SBF2: variants seen among roughly 807,000 people sequenced by gnomAD.
The protein encoded by SBF2 is SET binding factor 2, also known as myotubularin-related protein 13.
A neutral mutation model predicts 225.2 loss-of-function variants in SBF2; 112 were observed. The ratio of observed to expected loss-of-function variants is 0.50; its 90% CI spans 0.43 to 0.58. The LOEUF is 0.58. Ranked by LOEUF, SBF2 falls within the 20% of genes least tolerant of loss-of-function variation. SBF2 has a pLI of 0.00. For synonymous variants in SBF2, 763 were observed against 773.3 expected (o/e 0.99, Z 0.22); for missense variants, 1,996 against 2,206.2 (o/e 0.90, Z 1.91).
intron 34 of SBF2, among the ~76,000 whole-genome samples, chr11:9,790,254 T>C (rs1852656256): frequency 6.6e-6 from 1 of 152,250 alleles, no homozygotes; most frequent in South Asian, 2.1e-4. Context: ...AGACCACCTG[T>C]TGATATTTCA....
chr11:10,059,537 AC>A (rs1950359886), intron 2 of SBF2, among the ~76,000 whole-genome samples: 1 of 152,216 alleles, frequency 6.6e-6, no homozygotes, highest in Admixed American at 6.5e-5. Flanking sequence ...GATCTCATAG[AC>A]CTTTACAGAA....
rs369992460 is a variant in SBF2 at position 9,780,500 on chromosome 11, C to T, written c.5468G>A (p.Arg1823His). ...KAFFDLKTSK[R>H]VYNFCAQDGQ... Reference sequence around the variant, plus strand: ...ATCCTGGGCGCAGAAGTTATACACACGTTTGCTGGTCTTGAGCTACAAAAC... The same window carrying T: ...ATCCTGGGCGCAGAAGTTATACACATGTTTGCTGGTCTTGAGCTACAAAAC... Residue 1823 changes from arginine (R) to histidine (H), a missense_variant, in exon 40 of 40, where the codon CGT (arginine) becomes CAT (histidine). By Grantham distance (29) the Arg-to-His change is conservative. Coordinates refer to ENST00000256190, the MANE Select transcript of SBF2 (RefSeq NM_030962.4). The T allele has an allele frequency of 2.2e-5, 36 of 1,613,984 alleles. No homozygotes were observed. Among genetic ancestry groups the T allele is most frequent in the Middle Eastern group, 1.6e-4 (1 of 6,084 alleles).
chr11:10,237,730 G>T (rs1354523736), intron 1 of SBF2, among the ~76,000 whole-genome samples: 1 of 152,188 alleles, frequency 6.6e-6, no homozygotes. Context: ...ACCCCCCAAA[G>T]ATTCTTTAGG....
intron 16 of SBF2, among the ~76,000 whole-genome samples, chr11:9,913,730 G>C (rs928891673): frequency 3.9e-5 from 6 of 152,144 alleles, no homozygotes; most frequent in African/African-American, 1.4e-4. Context: ...ATAAAATGTA[G>C]GAGTGACAGT....
At chr11:10,254,643 C>T (rs945801836) in intron 1 of SBF2, among the ~76,000 whole-genome samples, 16 of 150,890 alleles carry the variant, frequency 1.1e-4, no homozygotes, top group Admixed American at 6.6e-4. Flanking sequence ...CCGAGGCTCA[C>T]GCCTGTAATC....
chr11:10,040,794 G>C (rs1949624722), intron 3 of SBF2, among the ~76,000 whole-genome samples: 1 of 151,590 alleles, frequency 6.6e-6, no homozygotes, highest in South Asian at 2.1e-4. Context: ...ATAAAGAGAG[G>C]AAAGAAGGGT....
chr11:10,109,523 A>G (rs1002628613), intron 2 of SBF2, among the ~76,000 whole-genome samples: 1 of 152,200 alleles, frequency 6.6e-6, no homozygotes, highest in Non-Finnish European at 1.5e-5. Context: ...TTCAAATACA[A>G]ATACATTTGT....
intron 2 of SBF2, among the ~76,000 whole-genome samples, chr11:10,157,298 T>C (rs7928170): frequency 0.53 from 80,588 of 151,800 alleles, 21,689 homozygotes; most frequent in Admixed American, 0.61. Flanking sequence ...AATACAAAAC[T>C]CCAAACCATA....
At chr11:10,223,974 A>T (rs1224392094) in intron 1 of SBF2, among the ~76,000 whole-genome samples, 1 of 152,114 alleles carries the variant, frequency 6.6e-6, no homozygotes, top group African/African-American at 2.4e-5. Context: ...GTATCTTTAC[A>T]TTTGTTTACA....
At chr11:9,886,614 C>T (rs1028575622) in intron 17 of SBF2, among the ~76,000 whole-genome samples, 2 of 151,338 alleles carry the variant, frequency 1.3e-5, no homozygotes, top group African/African-American at 2.4e-5. Flanking sequence ...TTTTTTGAGA[C>T]GAAGTCTCGC....
At chr11:10,043,801 T>A (rs1270954904) in intron 2 of SBF2, among the ~76,000 whole-genome samples, 1 of 152,162 alleles carries the variant, frequency 6.6e-6, no homozygotes, top group Non-Finnish European at 1.5e-5. Flanking sequence ...CTCGAACTCC[T>A]GGGCTCAAGC....
At chr11:9,874,180 A>G (rs1156885645) in intron 17 of SBF2, among the ~76,000 whole-genome samples, 1 of 152,214 alleles carries the variant, frequency 6.6e-6, no homozygotes, top group Non-Finnish European at 1.5e-5. Flanking sequence ...AATCTAGAAA[A>G]AAACATAATT....
At chr11:10,172,337 T>C (rs571806752) in intron 2 of SBF2, among the ~76,000 whole-genome samples, 24 of 152,236 alleles carry the variant, frequency 1.6e-4, no homozygotes, top group Non-Finnish European at 2.9e-4. Context: ...TCTGTTTTCA[T>C]TATTGTTTGT....
intron 2 of SBF2, among the ~76,000 whole-genome samples, chr11:10,131,033 G>A (rs1175049757): frequency 1.3e-5 from 2 of 152,062 alleles, no homozygotes; most frequent in East Asian, 3.9e-4. Context: ...ATTTATCTAG[G>A]AGAAACGCCC....
At chr11:9,802,031 G>C (rs1298027047) in intron 32 of SBF2, among the ~76,000 whole-genome samples, 1 of 152,144 alleles carries the variant, frequency 6.6e-6, no homozygotes, top group Non-Finnish European at 1.5e-5. Context: ...AATAAACTTT[G>C]AAATCACAGT....
Position 9,892,367 on chromosome 11 carries a change from C to CA in SBF2, c.1929+3575dup, listed in dbSNP as rs1158579546. On this transcript the variant is annotated intron_variant, in intron 17 of 39. Coordinates refer to ENST00000256190, the MANE Select transcript of SBF2 (RefSeq NM_030962.4). ...CTCCTGGCCTCAAGTGATCCACCAC[C>CA]AAAAAAAAGAAAATTTTTATCTGCA... Among the ~76,000 whole-genome samples, 3 of 151,098 alleles carry CA rather than the reference C, an allele frequency of 2.0e-5. No individual in the cohort carries two copies. The South Asian group carries it at 6.3e-4, about 32-fold the overall frequency.
chr11:10,301,519 G>A (rs889911845), intron 1 of SBF2, among the ~76,000 whole-genome samples: 1 of 152,076 alleles, frequency 6.6e-6, no homozygotes, highest in African/African-American at 2.4e-5. Flanking sequence ...CAGCTTAAAA[G>A]ACATTTTGAA....
intron 12 of SBF2, among the ~76,000 whole-genome samples, chr11:9,991,627 G>C (rs1444652378): frequency 2.6e-5 from 4 of 152,006 alleles, no homozygotes; most frequent in Admixed American, 1.3e-4. Context: ...CACCAGAGTG[G>C]GCTGCTGTGA....
chr11:10,186,471 ACAATGAACTAAGATCACAC>A (rs1956937669), intron 2 of SBF2, among the ~76,000 whole-genome samples: 1 of 152,170 alleles, frequency 6.6e-6, no homozygotes, highest in Admixed American at 6.5e-5. Context: ...GTTCGTGGTT[ACAATGAACTAAGATCACAC>A]CACTGCACTC....
Sources: gnomAD v4.1 joint callset for allele counts (sites outside exome capture counted in the v4.1 genomes callset) on GRCh38, gnomAD v4.1.1 for gene constraint, MANE v1.5 for transcripts, NCBI Gene and HGNC (gene_info 2026-07-23, HGNC 2026-07-21) for gene names.